ASXL3: variants seen among roughly 807,000 people sequenced by gnomAD.
ASXL3 encodes ASXL transcriptional regulator 3.
A neutral mutation model predicts 170.6 loss-of-function variants in ASXL3; 34 were observed. The ratio of observed to expected loss-of-function variants is 0.20; its 90% CI spans 0.15 to 0.27. ASXL3 has a LOEUF of 0.27. ASXL3 is among the 10% of genes least tolerant of loss of function. The probability of loss-of-function intolerance (pLI) is 1.00; values close to 1 mark genes in which losing one functional copy is unlikely to be tolerated. For synonymous variants in ASXL3, 1,002 were observed against 989.1 expected, an observed-to-expected ratio of 1.01 and a Z score of -0.24; for missense variants, 2,592 against 2,695.3, an observed-to-expected ratio of 0.96 and a Z score of 0.85.
chr18:33,601,766 T>A (rs1230506621), intron 1 of ASXL3, among the ~76,000 whole-genome samples: 2 of 147,590 alleles, frequency 1.4e-5, no homozygotes, highest in Non-Finnish European at 3.0e-5. Context: ...TATCTGAGAA[T>A]TTAAGTAAAT....
chr18:33,585,138 C>T (rs143131232), intron 1 of ASXL3, among the ~76,000 whole-genome samples: 2 of 152,010 alleles, frequency 1.3e-5, no homozygotes, highest in Non-Finnish European at 2.9e-5. Context: ...TTCCTTCTGA[C>T]ATTCTGCTTG....
intron 8 of ASXL3, among the ~76,000 whole-genome samples, chr18:33,703,156 T>A (rs988754280): frequency 6.6e-6 from 1 of 152,058 alleles, no homozygotes; most frequent in Non-Finnish European, 1.5e-5. Flanking sequence ...GCTACCAGTC[T>A]CCTCTTAATT....
chr18:33,609,000 A>G, intron 2 of ASXL3: 3 of 984,274 alleles, frequency 3.0e-6, no homozygotes, highest in Non-Finnish European at 3.6e-6. Context: ...CGCTGGAGAA[A>G]TAGCCTAAGA....
At chr18:33,736,617 T>C (rs1248275183) in intron 10 of ASXL3, among the ~76,000 whole-genome samples, 1 of 152,146 alleles carries the variant, frequency 6.6e-6, no homozygotes, top group Non-Finnish European at 1.5e-5. Context: ...CTGTCTGATT[T>C]AGTTTTCAAT....
At position 33,661,642 on chromosome 18, in the gene ASXL3, G is replaced by A; in HGVS notation, c.382G>A (p.Ala128Thr). Residue 128 changes from alanine to threonine, a missense_variant, in exon 5 of 12, where the codon GCA becomes ACA. Physicochemically the swap from Ala to Thr is moderately conservative, Grantham distance 58. Transcript: ENST00000269197. ...GVCSKQVTDE[A>T]SSTRDSSLTN... ...TTGTTCGAAGCAGGTAACTGATGAA[G>A]CATCTTCCACTCGAGATTCAAGCCT... 1.2e-6 allele frequency: 2 copies of A among 1,611,886 alleles called. No homozygotes were observed. Among genetic ancestry groups the A allele is most frequent in the Non-Finnish European group, 1.7e-6 (2 of 1,178,856 alleles).
At chr18:33,591,708 C>T (rs1174189738) in intron 1 of ASXL3, among the ~76,000 whole-genome samples, 2 of 150,666 alleles carry the variant, frequency 1.3e-5, no homozygotes, top group African/African-American at 4.9e-5. Context: ...GTGGCGCGAT[C>T]TCGGCTCACT....
chr18:33,680,349 T>C (rs536214308), intron 7 of ASXL3, among the ~76,000 whole-genome samples: 2 of 152,084 alleles, frequency 1.3e-5, no homozygotes, highest in Non-Finnish European at 2.9e-5. Flanking sequence ...TTCTTCAGTA[T>C]CTGTTGAGAC....
chr18:33,678,953 G>T (rs2066473393), intron 7 of ASXL3, among the ~76,000 whole-genome samples: 1 of 152,172 alleles, frequency 6.6e-6, no homozygotes, highest in Non-Finnish European at 1.5e-5. Context: ...TGTCATAAAA[G>T]ACTGTGTGCC....
chr18:33,668,424 T>A, intron 5 of ASXL3, among the ~76,000 whole-genome samples: 1 of 104,348 alleles, frequency 9.6e-6, no homozygotes, highest in Admixed American at 1.0e-4. Context: ...CGAGACTCCA[T>A]CTCAAAAAAA....
At chr18:33,607,503 A>C in intron 1 of ASXL3, 91 bp from the exon 2 acceptor site, 1 of 1,054,912 alleles carries the variant, frequency 9.5e-7, no homozygotes, top group Non-Finnish European at 1.4e-6. Flanking sequence ...CTTCCCCTCT[A>C]ATAAAATAAG....
At chr18:33,583,539 C>T (rs558561674) in intron 1 of ASXL3, among the ~76,000 whole-genome samples, 1 of 152,080 alleles carries the variant, frequency 6.6e-6, no homozygotes, top group South Asian at 2.1e-4. Flanking sequence ...GATCTCTATG[C>T]CTATTTAGAA....
chr18:33,696,971 T>G (rs1195094071), intron 8 of ASXL3, among the ~76,000 whole-genome samples: 1 of 152,180 alleles, frequency 6.6e-6, no homozygotes, highest in Non-Finnish European at 1.5e-5. Context: ...TTTTCCTGAT[T>G]GTTTATTTGT....
Position 33,743,369 on chromosome 18 carries a change from A to G in ASXL3, c.3521A>G (p.His1174Arg). The change falls in exon 12 of 12, where the codon CAC (histidine) becomes CGC (arginine). Residue 1174 changes from histidine (H) to arginine (R), a missense_variant. His to Arg is a conservative substitution (Grantham distance 29). Coordinates refer to ENST00000269197, the MANE Select transcript of ASXL3 (RefSeq NM_030632.3). Reference protein sequence around the residue: ...NCRSPSNKSAHLRETTTVLQQ... With the variant: ...NCRSPSNKSARLRETTTVLQQ... ...AGATCTCCTAGCAACAAGTCTGCCC[A>G]CCTCCGGGAGACCACCACTGTACTA... is the stretch of plus-strand genomic sequence containing the variant. The G allele has an allele frequency of 6.2e-7, 1 of 1,613,412 alleles. No homozygotes were observed. The highest frequency in any genetic ancestry group is 8.5e-7 in the Non-Finnish European group (1 of 1,179,870).
intron 1 of ASXL3, among the ~76,000 whole-genome samples, chr18:33,595,835 C>T (rs1431829212): frequency 6.6e-6 from 1 of 152,156 alleles, no homozygotes; most frequent in African/African-American, 2.4e-5. Flanking sequence ...CTCCAGCCAT[C>T]CCTCCTTCCC....
intron 8 of ASXL3, among the ~76,000 whole-genome samples, chr18:33,723,617 C>G (rs1036170261): frequency 1.3e-5 from 2 of 152,108 alleles, no homozygotes; most frequent in African/African-American, 4.8e-5. Context: ...CTGTGAACAT[C>G]GTTGAAGTAA....
intron 2 of ASXL3, among the ~76,000 whole-genome samples, chr18:33,627,503 T>G (rs959940452): frequency 1.3e-5 from 2 of 152,050 alleles, no homozygotes; most frequent in African/African-American, 4.8e-5. Flanking sequence ...ATCCAGAGCC[T>G]TTTTCCCTGT....
chr18:33,610,556 G>T (rs1359482997), intron 2 of ASXL3, among the ~76,000 whole-genome samples: 1 of 151,944 alleles, frequency 6.6e-6, no homozygotes, highest in Non-Finnish European at 1.5e-5. Context: ...TGTGTGCCAG[G>T]CAGGTCTCCG....
intron 2 of ASXL3, chr18:33,609,157 A>C (rs2065295766): frequency 1.3e-6 from 1 of 750,012 alleles, no homozygotes. Context: ...TAGGGAACAA[A>C]ATCAGGAAAA....
chr18:33,722,655 G>A (rs1014836287), intron 8 of ASXL3, among the ~76,000 whole-genome samples: 2 of 152,102 alleles, frequency 1.3e-5, no homozygotes, highest in African/African-American at 2.4e-5. Flanking sequence ...AAGGTGAAAC[G>A]GCAGTGGCTG....
Sources: gnomAD v4.1 joint callset for allele counts (sites outside exome capture counted in the v4.1 genomes callset) on GRCh38, gnomAD v4.1.1 for gene constraint, MANE v1.5 for transcripts, NCBI Gene and HGNC (gene_info 2026-07-23, HGNC 2026-07-21) for gene names.